Variants in ECT2L observed in about 807,000 individuals in gnomAD.
The protein encoded by ECT2L is epithelial cell transforming 2 like.
In ECT2L, 126 loss-of-function variants were observed where a neutral mutation model predicts 122.8. The ratio of observed to expected loss-of-function variants is 1.03; its 90% CI spans 0.89 to 1.19. ECT2L has a LOEUF of 1.19. Among genes scored for constraint, ECT2L ranks in the 50% most tolerant of loss-of-function variants. ECT2L has a pLI of 0.00. For synonymous variants in ECT2L, 385 were observed against 381.8 expected, an observed-to-expected ratio of 1.01 and a Z score of -0.10; for missense variants, 1,012 against 1,064.1, an observed-to-expected ratio of 0.95 and a Z score of 0.68.
chr6:138,804,935 G>T (rs1351846938), intron 1 of ECT2L, among the ~76,000 whole-genome samples: 1 of 152,084 alleles, frequency 6.6e-6, no homozygotes, highest in Non-Finnish European at 1.5e-5. Context: ...GAAGTCTAGG[G>T]CTCCCTCTCT....
intron 20 of ECT2L, among the ~76,000 whole-genome samples, chr6:138,898,483 C>T (rs1779287619): frequency 6.6e-6 from 1 of 152,150 alleles, no homozygotes; most frequent in Non-Finnish European, 1.5e-5. Context: ...TTTTAAACTA[C>T]CTGGTCCAGT....
intron 3 of ECT2L, among the ~76,000 whole-genome samples, chr6:138,813,873 C>A (rs1414705790): frequency 6.6e-6 from 1 of 152,172 alleles, no homozygotes; most frequent in African/African-American, 2.4e-5. Context: ...CTAGACCAGG[C>A]TGGGACTAAA....
At position 138,902,548 on chromosome 6, in the gene ECT2L, G is replaced by C. The variant is rs1272035853; in HGVS notation, c.2636G>C (p.Cys879Ser). 2 of 1,613,722 alleles carry C rather than the reference G, an allele frequency of 1.2e-6. No individual in the cohort carries two copies. The highest frequency in any genetic ancestry group is 2.2e-5 in the East Asian group (1 of 44,840). Reference sequence around the variant, plus strand: ...CAGGGTCCAAAATATAAATGGATTTGTGCTACAGAAATAGAGGATGATAAG... The same window carrying C: ...CAGGGTCCAAAATATAAATGGATTTCTGCTACAGAAATAGAGGATGATAAG... ...ILQGPKYKWI[C>S]ATEIEDDKFL... is the part of the protein sequence containing the mutation. The change falls in exon 22 of 22, where the codon TGT becomes TCT. Residue 879 changes from cysteine to serine, a missense_variant. Transcript: ENST00000541398.
intron 1 of ECT2L, among the ~76,000 whole-genome samples, chr6:138,806,431 C>T (rs1283401503): frequency 2.0e-5 from 3 of 148,600 alleles, no homozygotes; most frequent in Non-Finnish European, 4.5e-5. Context: ...CTTTAAGATT[C>T]TTTGAAACTC....
chr6:138,800,913 T>C (rs2128367710), intron 1 of ECT2L, among the ~76,000 whole-genome samples: 1 of 152,226 alleles, frequency 6.6e-6, no homozygotes, highest in South Asian at 2.1e-4. Context: ...GGCTGCTCTC[T>C]GCTTCCAAGA....
At chr6:138,850,389 C>T (rs886624848) in intron 9 of ECT2L, among the ~76,000 whole-genome samples, 1 of 152,174 alleles carries the variant, frequency 6.6e-6, no homozygotes, top group African/African-American at 2.4e-5. Flanking sequence ...CAGTGATCCA[C>T]CTGCCTCGGC....
intron 7 of ECT2L, among the ~76,000 whole-genome samples, chr6:138,844,784 TTTTAAATGTTC>T (rs1777163595): frequency 6.9e-6 from 1 of 144,602 alleles, no homozygotes; most frequent in African/African-American, 2.5e-5. Context: ...AAAACTTACA[TTTTAAATGTTC>T]TTTTTTTTTT....
At chr6:138,824,748 G>A (rs1168576886) in intron 4 of ECT2L, among the ~76,000 whole-genome samples, 1 of 152,022 alleles carries the variant, frequency 6.6e-6, no homozygotes, top group Non-Finnish European at 1.5e-5. Context: ...GAGGAGATGG[G>A]GAGATTCTCG....
At chr6:138,896,716 C>T (rs779395103) in intron 20 of ECT2L, among the ~76,000 whole-genome samples, 11 of 152,200 alleles carry the variant, frequency 7.2e-5, no homozygotes, top group Middle Eastern at 3.4e-3. Flanking sequence ...GGCGTGATCT[C>T]GGCTCACTGC....
At chr6:138,871,959 G>A (rs988845625) in intron 13 of ECT2L, among the ~76,000 whole-genome samples, 1 of 151,932 alleles carries the variant, frequency 6.6e-6, no homozygotes, top group Non-Finnish European at 1.5e-5. Context: ...CCTGAGACAG[G>A]AGTCTTTATT....
chr6:138,815,301 A>G (rs1485842755), intron 4 of ECT2L, among the ~76,000 whole-genome samples: 1 of 152,202 alleles, frequency 6.6e-6, no homozygotes, highest in Admixed American at 6.5e-5. Flanking sequence ...TATTCTCAAA[A>G]CAACCCGTGG....
Position 138,854,155 on chromosome 6 carries a change from G to A in ECT2L, c.1198+1G>A, listed in dbSNP as rs754935876. ...TTCTTCGTGCCCCTTGGAGCATCAG[G>A]TTAGCTCAGAACACCTTATAGAGAG... On this transcript the variant is annotated splice_donor_variant, in intron 10 of 21. Transcript: ENST00000541398. LOFTEE classifies it high-confidence loss of function. 8.1e-6 allele frequency: 13 copies of A among 1,612,730 alleles called. No individual in the cohort carries two copies. The highest frequency in any genetic ancestry group is 9.3e-6 in the Non-Finnish European group (11 of 1,179,610).
At chr6:138,894,704 T>C (rs556377929) in intron 20 of ECT2L, among the ~76,000 whole-genome samples, 2 of 152,298 alleles carry the variant, frequency 1.3e-5, no homozygotes, top group South Asian at 4.1e-4. Flanking sequence ...ATCAATAGCT[T>C]GTGCTATTTT....
chr6:138,839,241 G>A (rs1045063239), intron 5 of ECT2L, among the ~76,000 whole-genome samples: 4 of 152,212 alleles, frequency 2.6e-5, no homozygotes, highest in African/African-American at 7.2e-5. Flanking sequence ...GTCAACAGCA[G>A]TTGAAAGCAG....
chr6:138,831,854 C>T (rs139750341), intron 4 of ECT2L, among the ~76,000 whole-genome samples: 93 of 152,268 alleles, frequency 6.1e-4, no homozygotes, highest in African/African-American at 2.2e-3. Flanking sequence ...AATTTTAGAT[C>T]ATGTATTCCT....
At chr6:138,852,432 A>G (rs1442470172) in intron 9 of ECT2L, among the ~76,000 whole-genome samples, 1 of 151,918 alleles carries the variant, frequency 6.6e-6, no homozygotes, top group Non-Finnish European at 1.5e-5. Flanking sequence ...GCTTATACTT[A>G]AAGTAAAATT....
intron 8 of ECT2L, among the ~76,000 whole-genome samples, chr6:138,847,666 C>T (rs941368580): frequency 6.6e-6 from 1 of 151,140 alleles, no homozygotes; most frequent in African/African-American, 2.4e-5. Flanking sequence ...CGTAAGCCAC[C>T]GCACCCAGCC....
rs150671037 is a variant in ECT2L, at chr6:138,873,974, A to C, written c.1579-2498A>C. ...TACCTACCTATCATCCTGCTGCCCA[A>C]TCATTATTTGCTCCTGGTTTTTGTC... On this transcript the variant is annotated intron_variant, in intron 13 of 21. Transcript: ENST00000541398. 5.3e-5 allele frequency among the ~76,000 whole-genome samples: 8 copies of C among 149,930 alleles called. No individual in the cohort carries two copies. In the Admixed American group the frequency reaches 5.4e-4, roughly 10 times the overall value.
intron 19 of ECT2L, 36 bp downstream of exon 19, chr6:138,886,958 C>G (rs374824667): frequency 2.0e-6 from 3 of 1,536,176 alleles, no homozygotes; most frequent in Non-Finnish European, 2.7e-6. Flanking sequence ...ATCTCATGCT[C>G]ATGAATACAA....
Sources: allele counts gnomAD v4.1 joint callset (sites outside exome capture counted in the v4.1 genomes callset), GRCh38; gene constraint gnomAD v4.1.1; transcripts MANE v1.5; gene names NCBI Gene and HGNC (gene_info 2026-07-23, HGNC 2026-07-21).